Variants in CHIC2 observed in about 807,000 individuals in gnomAD.
The protein encoded by CHIC2 is cysteine rich hydrophobic domain 2.
A neutral mutation model predicts 25.9 loss-of-function variants in CHIC2; 14 were observed. That is an observed-to-expected ratio of 0.54 (90% CI 0.36 to 0.85). CHIC2 has a LOEUF of 0.85. Ranked by LOEUF, CHIC2 falls within the 40% of genes least tolerant of loss-of-function variation. The probability of loss-of-function intolerance (pLI) is 0.01; values close to 1 mark genes in which losing one functional copy is unlikely to be tolerated. For missense variants in CHIC2, 146 were observed against 202.0 expected (o/e 0.72, Z 1.68); for synonymous variants, 70 against 72.0 (o/e 0.97, Z 0.14).
At chr4:54,065,704 AG>A (rs1441166687), upstream of CHIC2, among the ~76,000 whole-genome samples, 1 of 152,162 alleles carries the variant, frequency 6.6e-6, no homozygotes, top group East Asian at 1.9e-4. Context: ...CCATGGGAGA[AG>A]AAAGGATAGT....
intron 3 of CHIC2, among the ~76,000 whole-genome samples, chr4:54,038,094 T>G (rs538137034): frequency 2.0e-5 from 3 of 152,208 alleles, no homozygotes; most frequent in Admixed American, 2.0e-4. Flanking sequence ...GAGTTTGCTC[T>G]CATCACTCCT....
the CHIC2 span, among the ~76,000 whole-genome samples, chr4:54,074,864 T>C: frequency 1.3e-5 from 2 of 152,116 alleles, no homozygotes; most frequent in Non-Finnish European, 2.9e-5. Context: ...TCCCAACACT[T>C]TGTGAGGCCA....
chr4:54,064,365 GGGCGA>G lies in CHIC2; in HGVS notation c.-70_-66del. ...CCGGGGTTGGCGCCGGGGTACCGGCGGGCGAGGCGGCGGAGGCTGAGGGGAGTCGC... is the reference window on the plus strand; with the variant it reads ...CCGGGGTTGGCGCCGGGGTACCGGCGGGCGGCGGAGGCTGAGGGGAGTCGC... On this transcript the variant is annotated 5_prime_UTR_variant, in exon 1 of 6. Coordinates refer to ENST00000263921, the MANE Select transcript of CHIC2 (RefSeq NM_012110.4). This position sits in a 1 kb window ranked among gnomAD's most constrained non-coding sequence, Gnocchi z 4.2. 8 of 1,594,490 alleles carry G rather than the reference GGGCGA, an allele frequency of 5.0e-6. No homozygotes were observed. Among genetic ancestry groups the G allele is most frequent in the Non-Finnish European group, 6.8e-6 (8 of 1,170,992 alleles).
chr4:54,068,052 CAAG>C (rs1425454513), upstream of CHIC2, among the ~76,000 whole-genome samples: 1 of 151,820 alleles, frequency 6.6e-6, no homozygotes, highest in Non-Finnish European at 1.5e-5. Flanking sequence ...TGTGCCCTTA[CAAG>C]AAGAAATACT....
In CHIC2 at chr4:54,064,246, C is replaced by G. The variant is rs1201223042; in HGVS notation, c.55G>C (p.Glu19Gln). ...GGCGAGTACTTGAGCAGCTGCTCCTCCAGGGCCCGCTCCTCGTCCTCCTCT... is the reference window on the plus strand; with the variant it reads ...GGCGAGTACTTGAGCAGCTGCTCCTGCAGGGCCCGCTCCTCGTCCTCCTCT... ...EEEEDEERAL[E>Q]EQLLKYSPDP... The change falls in exon 1 of 6, where the codon GAG (glutamate) becomes CAG (glutamine). Residue 19 changes from glutamate (E) to glutamine (Q), a missense_variant. Coordinates refer to ENST00000263921, the MANE Select transcript of CHIC2 (RefSeq NM_012110.4). This position sits in a 1 kb window ranked among gnomAD's most constrained non-coding sequence, Gnocchi z 4.2. The G allele has an allele frequency of 6.2e-7, 1 of 1,610,518 alleles. No homozygotes were observed. The highest frequency in any genetic ancestry group is 8.5e-7 in the Non-Finnish European group (1 of 1,178,556).
At chr4:54,029,624 CA>C (rs1716162790) in intron 3 of CHIC2, among the ~76,000 whole-genome samples, 1 of 152,130 alleles carries the variant, frequency 6.6e-6, no homozygotes, top group Non-Finnish European at 1.5e-5. Context: ...TGCCTTGTTG[CA>C]ATATCTGTAT....
At chr4:54,080,422 T>C in the CHIC2 span, among the ~76,000 whole-genome samples, 1 of 151,152 alleles carries the variant, frequency 6.6e-6, no homozygotes, top group South Asian at 2.1e-4. Flanking sequence ...GGGGAAGAGA[T>C]GGGAAGATGT....
chr4:54,069,209 G>A (rs1735712679), upstream of CHIC2, among the ~76,000 whole-genome samples: 1 of 152,084 alleles, frequency 6.6e-6, no homozygotes, highest in Non-Finnish European at 1.5e-5. Flanking sequence ...TATATTTTTT[G>A]TAGAGATGGG....
At chr4:54,018,781 A>G (rs1454621335) in intron 3 of CHIC2, among the ~76,000 whole-genome samples, 1 of 152,094 alleles carries the variant, frequency 6.6e-6, no homozygotes, top group Non-Finnish European at 1.5e-5. Flanking sequence ...ACTATTTATA[A>G]AAGTTCACCT....
chr4:54,057,407 T>C (rs531539422), intron 1 of CHIC2, among the ~76,000 whole-genome samples: 2 of 152,178 alleles, frequency 1.3e-5, no homozygotes, highest in Non-Finnish European at 2.9e-5. Context: ...ATCCTTTCAG[T>C]TCCTCAGGCA....
chr4:54,011,065 TTAAA>T (rs1252959033), intron 5 of CHIC2, among the ~76,000 whole-genome samples: 4 of 152,136 alleles, frequency 2.6e-5, no homozygotes, highest in South Asian at 2.1e-4. Flanking sequence ...CAAATTTGTA[TTAAA>T]TAGATGGTGA....
intron 3 of CHIC2, among the ~76,000 whole-genome samples, chr4:54,017,225 C>A (rs186311140): frequency 1.0e-3 from 155 of 152,238 alleles, no homozygotes; most frequent in Admixed American, 1.9e-3. Context: ...CATATAACAA[C>A]CTGTCCTTGG....
At chr4:54,090,399 G>T in the CHIC2 span, among the ~76,000 whole-genome samples, 33 of 152,096 alleles carry the variant, frequency 2.2e-4, no homozygotes, top group Non-Finnish European at 4.1e-4. Context: ...TGGCCAGGCT[G>T]GTCTCGAACT....
At chr4:54,078,125 C>G in the CHIC2 span, among the ~76,000 whole-genome samples, 4 of 152,208 alleles carry the variant, frequency 2.6e-5, no homozygotes, top group African/African-American at 9.6e-5. Flanking sequence ...TTAGTGCTTA[C>G]TAATAGAGGT....
At chr4:54,069,852 A>C in the CHIC2 span, among the ~76,000 whole-genome samples, 1 of 152,208 alleles carries the variant, frequency 6.6e-6, no homozygotes, top group African/African-American at 2.4e-5. Context: ...AATGCTTCTC[A>C]TGTGTCACAT....
intron 3 of CHIC2, among the ~76,000 whole-genome samples, chr4:54,023,800 T>C (rs1715977243): frequency 6.6e-6 from 1 of 152,208 alleles, no homozygotes; most frequent in Non-Finnish European, 1.5e-5. Context: ...CGCATCAATA[T>C]CTATACTGAC....
chr4:54,046,031 G>C (rs1430654476), intron 3 of CHIC2, among the ~76,000 whole-genome samples: 4 of 151,674 alleles, frequency 2.6e-5, no homozygotes, highest in Admixed American at 6.6e-5. Context: ...GCCAAATCAT[G>C]AGTGAACTCC....
chr4:54,074,932 AC>A, the CHIC2 span, among the ~76,000 whole-genome samples: 2 of 152,032 alleles, frequency 1.3e-5, no homozygotes, highest in Admixed American at 1.3e-4. Flanking sequence ...ACATGGTGAG[AC>A]CCTGTCTCTA....
chr4:54,056,531 A>G (rs1483740340), intron 1 of CHIC2, among the ~76,000 whole-genome samples: 2 of 152,178 alleles, frequency 1.3e-5, no homozygotes, highest in Non-Finnish European at 1.5e-5. Flanking sequence ...GAACTCCACC[A>G]CTGAACTAAC....
Sources: gnomAD v4.1 joint callset for allele counts (sites outside exome capture counted in the v4.1 genomes callset) on GRCh38, gnomAD v4.1.1 for gene constraint, Gnocchi (gnomAD v3.1) non-coding constraint, MANE v1.5 for transcripts, NCBI Gene and HGNC (gene_info 2026-07-23, HGNC 2026-07-21) for gene names.